Variants in ACBD6 observed in about 807,000 individuals in gnomAD.
ACBD6 encodes the protein acyl-CoA binding domain containing 6.
In ACBD6, 28 loss-of-function variants were observed where a neutral mutation model predicts 37.2. The ratio of observed to expected loss-of-function variants is 0.75; its 90% confidence interval spans 0.56 to 1.03. The LOEUF is 1.03. Ranked by LOEUF, ACBD6 falls within the 50% of genes least tolerant of loss-of-function variation. ACBD6 has a pLI of 0.00. For synonymous variants in ACBD6, 113 were observed against 126.8 expected (o/e 0.89, Z 0.73); for missense variants, 340 against 337.4 (o/e 1.01, Z -0.06).
intron 3 of ACBD6, among the ~76,000 whole-genome samples, chr1:180,458,733 AG>A (rs1282457032): frequency 6.6e-6 from 1 of 152,218 alleles, no homozygotes; most frequent in East Asian, 1.9e-4. Context: ...TCAAATTTAC[AG>A]TGTGTAAAGT....
At chr1:180,450,171 T>C (rs1181419509) in intron 3 of ACBD6, among the ~76,000 whole-genome samples, 4 of 152,298 alleles carry the variant, frequency 2.6e-5, no homozygotes, top group African/African-American at 9.6e-5. Context: ...AAAGAATAAT[T>C]AACATTGTAA....
intron 5 of ACBD6, among the ~76,000 whole-genome samples, chr1:180,410,725 G>C (rs1647819931): frequency 6.6e-6 from 1 of 151,926 alleles, no homozygotes; most frequent in Non-Finnish European, 1.5e-5. Context: ...GGTCATCCAA[G>C]AGTGCTCATG....
chr1:180,366,574 C>A (rs1653063579), intron 6 of ACBD6, among the ~76,000 whole-genome samples: 1 of 152,140 alleles, frequency 6.6e-6, no homozygotes, highest in Admixed American at 6.5e-5. Context: ...TGGGTGTTCT[C>A]TGAACTCAGA....
rs1653871411 is a variant in ACBD6, at chr1:180,387,027, G to GT, written c.663+10488dup. On this transcript the variant is annotated intron_variant, in intron 6 of 7. Transcript: ENST00000367595. ...TTTAAATCTTCTAGTTTAGCAGGCA[G>GT]TTTCTCTATTTGGGTTTCTTGTGCA... Among the ~76,000 whole-genome samples the GT allele has an allele frequency of 4.6e-5, 7 of 152,210 alleles. No homozygotes were observed. In the South Asian group the frequency reaches 1.0e-3, roughly 23 times the overall value.
At chr1:180,401,725 T>A (rs1455635066) in intron 5 of ACBD6, among the ~76,000 whole-genome samples, 2 of 148,690 alleles carry the variant, frequency 1.3e-5, no homozygotes, top group African/African-American at 5.0e-5. Context: ...GAGGTGGAGG[T>A]TGCAGTGAGA....
chr1:180,291,913 G>C (rs569659933), intron 7 of ACBD6, among the ~76,000 whole-genome samples: 5 of 152,174 alleles, frequency 3.3e-5, no homozygotes, highest in Admixed American at 2.6e-4. Context: ...AATTGTTACA[G>C]CTCTATACGT....
At chr1:180,430,839 C>T (rs769138310) in intron 3 of ACBD6, among the ~76,000 whole-genome samples, 3 of 152,054 alleles carry the variant, frequency 2.0e-5, no homozygotes, top group Non-Finnish European at 2.9e-5. Flanking sequence ...TCTTGCCCCT[C>T]TATGTTCTCA....
chr1:180,300,142 A>G (rs1650075635), intron 7 of ACBD6, among the ~76,000 whole-genome samples: 1 of 152,224 alleles, frequency 6.6e-6, no homozygotes, highest in Admixed American at 6.5e-5. Flanking sequence ...AAGCCCAACC[A>G]TAATTCATAA....
At chr1:180,345,866 A>G (rs17372295) in intron 6 of ACBD6, among the ~76,000 whole-genome samples, 24,020 of 152,150 alleles carry the variant, frequency 0.16, 1,953 homozygotes, top group Middle Eastern at 0.22. Context: ...GTATATTCTG[A>G]TATTTCTATT....
At chr1:180,384,864 C>A (rs1653791838) in intron 6 of ACBD6, among the ~76,000 whole-genome samples, 1 of 152,096 alleles carries the variant, frequency 6.6e-6, no homozygotes, top group Non-Finnish European at 1.5e-5. Flanking sequence ...GTGGATAGAA[C>A]TGGAGGCCCT....
At chr1:180,472,491 C>T (rs1015599225) in intron 3 of ACBD6, among the ~76,000 whole-genome samples, 5 of 152,124 alleles carry the variant, frequency 3.3e-5, no homozygotes, top group Admixed American at 2.0e-4. Flanking sequence ...CCATGGAAGA[C>T]ACTACAAACA....
At chr1:180,279,847 A>T (rs1187344641) in intron 9 of ACBD6, among the ~76,000 whole-genome samples, 4 of 152,106 alleles carry the variant, frequency 2.6e-5, no homozygotes, top group Admixed American at 6.5e-5. Flanking sequence ...ATTAAAAAAA[A>T]AAAAAGTCAT....
At chr1:180,410,157 GC>G (rs1470309525) in intron 5 of ACBD6, among the ~76,000 whole-genome samples, 2 of 152,254 alleles carry the variant, frequency 1.3e-5, no homozygotes, top group African/African-American at 2.4e-5. Context: ...AGGTAAGGGG[GC>G]TGCAGAAGAA....
intron 7 of ACBD6, among the ~76,000 whole-genome samples, chr1:180,296,402 GAGGATGGCTATACTACACA>G (rs147236393): frequency 0.07 from 10,718 of 152,254 alleles, 408 homozygotes; most frequent in African/African-American, 0.11. Context: ...GATAACTGAT[GAGGATGGCTATACTACACA>G]ACAGATTTTC....
intron 6 of ACBD6, among the ~76,000 whole-genome samples, chr1:180,340,870 C>T (rs6658310): frequency 0.87 from 132,508 of 152,076 alleles, 57,775 homozygotes; most frequent in East Asian, 0.92. Flanking sequence ...ATCAGTTAAA[C>T]GGGAAGGAAG....
chr1:180,315,686 A>C (rs1389778207), intron 6 of ACBD6, among the ~76,000 whole-genome samples: 2 of 152,166 alleles, frequency 1.3e-5, no homozygotes, highest in Non-Finnish European at 2.9e-5. Context: ...TTTATCTCCT[A>C]GAAAGAAAAG....
intron 6 of ACBD6, among the ~76,000 whole-genome samples, chr1:180,352,542 A>T (rs1255646912): frequency 1.3e-5 from 2 of 152,190 alleles, no homozygotes; most frequent in African/African-American, 4.8e-5. Context: ...GGAAGAATAC[A>T]AGTATTATTC....
chr1:180,365,945 ACT>A (rs1653039491), intron 6 of ACBD6, among the ~76,000 whole-genome samples: 1 of 151,876 alleles, frequency 6.6e-6, no homozygotes, highest in Non-Finnish European at 1.5e-5. Flanking sequence ...TCTAGAACTT[ACT>A]CTGTTTACTT....
intron 6 of ACBD6, among the ~76,000 whole-genome samples, chr1:180,343,017 T>G (rs997726468): frequency 6.6e-6 from 1 of 152,032 alleles, no homozygotes; most frequent in African/African-American, 2.4e-5. Flanking sequence ...ATGTTCAAAT[T>G]TAATCAATAT....
Sources: allele counts gnomAD v4.1 joint callset (sites outside exome capture counted in the v4.1 genomes callset), GRCh38; gene constraint gnomAD v4.1.1; transcripts MANE v1.5; gene names NCBI Gene and HGNC (gene_info 2026-07-23, HGNC 2026-07-21).